The following DMD variants were observed in gnomAD, a reference collection of about 807,000 sequenced individuals.
DMD encodes the protein mutant dystrophin.
In DMD, 63 loss-of-function variants were observed where a neutral mutation model predicts 330.1. The ratio of observed to expected loss-of-function variants is 0.19; its 90% CI spans 0.16 to 0.24. DMD has a LOEUF of 0.24. Ranked by LOEUF, DMD falls within the 10% of genes least tolerant of loss-of-function variation. The pLI is 1.00. For synonymous variants in DMD, 1,223 were observed against 959.8 expected (o/e 1.27, Z -5.07); for missense variants, 3,344 against 2,684.1 (o/e 1.25, Z -5.43).
rs779431450 is a variant in DMD, at chrX:32,468,493, A to G, written c.3162+5T>C. 1.8e-5 allele frequency: 21 copies of G among 1,194,001 alleles called. No homozygotes were observed. The South Asian group carries it at 3.8e-4, about 22-fold the overall frequency. ...ATGAGGGTAGAAAGTAAAATCTTGAATTACCTGAATTTTTCGGAGTTTATT... is the reference window on the plus strand; with the variant it reads ...ATGAGGGTAGAAAGTAAAATCTTGAGTTACCTGAATTTTTCGGAGTTTATT... On this transcript the variant is annotated splice_donor_5th_base_variant and intron_variant, in intron 23 of 78. Transcript: ENST00000357033.
intron 44 of DMD, among the ~76,000 whole-genome samples, chrX:32,032,644 G>A (rs1219288518): frequency 8.9e-6 from 1 of 111,837 alleles, no homozygotes; most frequent in Non-Finnish European, 1.9e-5. Context: ...AAAAAATTTA[G>A]ACCTTAACAA....
At chrX:32,854,732 G>C (rs1045983742) in intron 2 of DMD, among the ~76,000 whole-genome samples, 2 of 111,227 alleles carry the variant, frequency 1.8e-5, no homozygotes, top group Non-Finnish European at 1.9e-5. Context: ...AAAAGCCCGA[G>C]ACCTGATGGC....
In DMD at chrX:31,121,653, G is replaced by A. The variant is rs1364647784; in HGVS notation, c.*266C>T. The A allele has an allele frequency of 7.1e-6, 3 of 419,964 alleles. No homozygotes were observed. Among genetic ancestry groups the A allele is most frequent in the African/African-American group, 2.5e-5 (1 of 40,009 alleles). 34.6% of individuals were successfully genotyped at this position (419,964 alleles called of 1,213,427 possible). A position where few individuals can be genotyped will look rare whatever the true frequency, so the allele number is the denominator to read the frequency against. ...AACTTTTTTGTACAATTGCATAGAC[G>A]TGTAAAACCTGCCATTGTTAACAAA... On this transcript the variant is annotated 3_prime_UTR_variant, in exon 79 of 79. Transcript: ENST00000357033.
At chrX:33,225,292 A>G (rs1280223696) in intron 1 of DMD, among the ~76,000 whole-genome samples, 1 of 112,006 alleles carries the variant, frequency 8.9e-6, no homozygotes, top group African/African-American at 3.2e-5. Context: ...AAGAGGAATA[A>G]GTCTACCAGA....
At chrX:31,647,091 C>T (rs536334818) in intron 54 of DMD, among the ~76,000 whole-genome samples, 3 of 112,110 alleles carry the variant, frequency 2.7e-5, no homozygotes, top group African/African-American at 6.5e-5. Flanking sequence ...AACTTTTTGG[C>T]TCCTGATACT....
intron 1 of DMD, among the ~76,000 whole-genome samples, chrX:33,268,424 A>G (rs190914414): frequency 1.6e-3 from 175 of 112,093 alleles, no homozygotes; most frequent in African/African-American, 5.4e-3. Context: ...AATCTACAGA[A>G]TGGGAGAAAA....
At chrX:31,274,144 T>C (rs778254192) in intron 62 of DMD, among the ~76,000 whole-genome samples, 1 of 111,896 alleles carries the variant, frequency 8.9e-6, no homozygotes, top group South Asian at 3.8e-4. Context: ...TAAACTGCTC[T>C]TTAGCAGTTT....
chrX:31,311,342 C>T (rs189651331), intron 62 of DMD, among the ~76,000 whole-genome samples: 340 of 111,685 alleles, frequency 3.0e-3, no homozygotes, highest in African/African-American at 0.01. Flanking sequence ...AAATTGACCA[C>T]GCGCTACCTT....
chrX:31,794,725 T>G (rs1027082927), intron 50 of DMD, among the ~76,000 whole-genome samples: 3 of 110,323 alleles, frequency 2.7e-5, no homozygotes, highest in African/African-American at 9.9e-5. Context: ...CCTCTTTTTT[T>G]TTTTTTTAAG....
chrX:31,909,625 C>A (rs1387729172), intron 47 of DMD, among the ~76,000 whole-genome samples: 1 of 110,670 alleles, frequency 9.0e-6, no homozygotes, highest in African/African-American at 3.3e-5. Context: ...TTAAGAGAAC[C>A]AATAGACGCA....
At chrX:32,135,271 A>G (rs1266753870) in intron 44 of DMD, among the ~76,000 whole-genome samples, 1 of 112,705 alleles carries the variant, frequency 8.9e-6, no homozygotes, top group African/African-American at 3.2e-5. Context: ...GTTCTCTGAG[A>G]CTAAAAGTGA....
chrX:31,589,385 C>T (rs1450802410), intron 55 of DMD, among the ~76,000 whole-genome samples: 3 of 111,258 alleles, frequency 2.7e-5, no homozygotes, highest in African/African-American at 9.8e-5. Flanking sequence ...CCTGCTATCT[C>T]CCTGACTTAT....
intron 48 of DMD, among the ~76,000 whole-genome samples, chrX:31,865,666 G>GCTTCCATGCTTT (rs11275348): frequency 9.2e-6 from 1 of 108,915 alleles, no homozygotes; most frequent in South Asian, 4.0e-4. Context: ...ACCCACGAAA[G>GCTTCCATGCTTT]CGTGGAAGCA....
intron 55 of DMD, among the ~76,000 whole-genome samples, chrX:31,565,886 C>A (rs1234439633): frequency 8.9e-6 from 1 of 112,316 alleles, no homozygotes; most frequent in African/African-American, 3.2e-5. Flanking sequence ...TCTTTTCATG[C>A]ACCTATTTGC....
At chrX:31,205,731 C>A (rs779791573) in intron 66 of DMD, among the ~76,000 whole-genome samples, 1 of 112,752 alleles carries the variant, frequency 8.9e-6, no homozygotes, top group South Asian at 3.6e-4. Flanking sequence ...TATTTTGTGG[C>A]TTACTCCTGA....
chrX:33,180,856 T>C (rs1447964817), intron 1 of DMD, among the ~76,000 whole-genome samples: 1 of 109,167 alleles, frequency 9.2e-6, no homozygotes, highest in Non-Finnish European at 1.9e-5. Flanking sequence ...TTTTTTTTTT[T>C]TTTTTTAAGA....
At chrX:32,562,021 A>T (rs1304712209) in intron 16 of DMD, among the ~76,000 whole-genome samples, 1 of 112,094 alleles carries the variant, frequency 8.9e-6, no homozygotes, top group African/African-American at 3.2e-5. Flanking sequence ...GTATTTCATA[A>T]TTATGATCAA....
chrX:32,735,000 G>A (rs1221170586), intron 7 of DMD, among the ~76,000 whole-genome samples: 2 of 110,948 alleles, frequency 1.8e-5, no homozygotes, highest in East Asian at 2.8e-4. Context: ...TGACATGATT[G>A]TATATCTAGA....
At position 32,856,458 on chromosome X, in the gene DMD, CGT is replaced by C. The variant is rs1360400847; in HGVS notation, c.94-6640_94-6639del. Among the ~76,000 whole-genome samples the C allele has an allele frequency of 2.4e-3, 258 of 109,594 alleles. 2 individuals carry two copies. Among genetic ancestry groups the C allele is most frequent in the African/African-American group, 8.2e-3 (249 of 30,398 alleles). On this transcript the variant is annotated intron_variant, in intron 2 of 78. Transcript: ENST00000357033. Reference sequence around the variant, plus strand: ...ATAAAGAAAATGTGGTACATATATACGTAGTGGAGTACTACTCAGTCATAAAA... The same window carrying C: ...ATAAAGAAAATGTGGTACATATATACAGTGGAGTACTACTCAGTCATAAAA...
Sources: gnomAD v4.1 joint callset for allele counts (sites outside exome capture counted in the v4.1 genomes callset) on GRCh38, gnomAD v4.1.1 for gene constraint, MANE v1.5 for transcripts, NCBI Gene and HGNC (gene_info 2026-07-23, HGNC 2026-07-21) for gene names.